Variants in WARS1 observed in about 807,000 individuals in gnomAD.
WARS1 encodes the protein tryptophan--tRNA ligase, cytoplasmic.
In WARS1, 17 loss-of-function variants were observed where a neutral mutation model predicts 47.8. The observed-to-expected ratio is 0.36, with a 90% confidence interval of 0.24 to 0.53. The LOEUF (loss-of-function observed/expected upper bound fraction) is 0.53, where lower values mean the gene tolerates loss of function less well. WARS1 is among the 20% of genes least tolerant of loss of function. The pLI is 0.91. For missense variants in WARS1, 434 were observed against 608.0 expected (o/e 0.71, Z 3.01); for synonymous variants, 208 against 228.1 (o/e 0.91, Z 0.79).
chr14:100,344,844 CG>C (rs1284902419), intron 7 of WARS1, among the ~76,000 whole-genome samples: 4 of 150,980 alleles, frequency 2.6e-5, no homozygotes, highest in Admixed American at 1.3e-4. Context: ...ACCCTCCGCC[CG>C]GCAACCGCCC....
chr14:100,348,300 C>T (rs1378026281), intron 6 of WARS1, among the ~76,000 whole-genome samples: 3 of 152,154 alleles, frequency 2.0e-5, no homozygotes, highest in Admixed American at 6.5e-5. Flanking sequence ...GAACACTGGC[C>T]GTTTGTGCTG....
intron 6 of WARS1, among the ~76,000 whole-genome samples, chr14:100,347,286 G>A (rs761604530): frequency 4.6e-5 from 7 of 152,176 alleles, no homozygotes; most frequent in African/African-American, 7.2e-5. Context: ...TCGGATGAGC[G>A]TATGGATAGA....
chr14:100,344,537 G>T (rs1266725299), intron 7 of WARS1, among the ~76,000 whole-genome samples: 1 of 152,124 alleles, frequency 6.6e-6, no homozygotes, highest in African/African-American at 2.4e-5. Context: ...TCTCTGCCTG[G>T]CCGCCCATCG....
At chr14:100,341,966 A>G in intron 9 of WARS1, 1 of 274,548 alleles carries the variant, frequency 3.6e-6, no homozygotes, top group South Asian at 3.5e-5. Context: ...ACCACCTCCC[A>G]GTGAGAATGA....
intron 2 of WARS1, chr14:100,366,718 T>C: frequency 1.2e-6 from 1 of 810,614 alleles, no homozygotes; most frequent in Admixed American, 1.7e-5. Context: ...CATTAGAAAC[T>C]ATCCAGAAGA....
chr14:100,348,445 G>A (rs187980149), intron 6 of WARS1, among the ~76,000 whole-genome samples: 1 of 152,192 alleles, frequency 6.6e-6, no homozygotes, highest in Non-Finnish European at 1.5e-5. Flanking sequence ...GCCCTGGGGG[G>A]CACTGGAGAG....
chr14:100,344,203 C>T (rs1053732133), intron 7 of WARS1, among the ~76,000 whole-genome samples: 2 of 152,166 alleles, frequency 1.3e-5, no homozygotes, highest in African/African-American at 4.8e-5. Flanking sequence ...CTGCCTCAGC[C>T]TGCCGAGTGC....
intron 2 of WARS1, 79 bp from the exon 3 acceptor site, chr14:100,362,000 A>C: frequency 6.9e-7 from 1 of 1,459,674 alleles, no homozygotes; most frequent in Non-Finnish European, 9.5e-7. Flanking sequence ...TGTGGCAGGC[A>C]CTGTGTTAAA....
At chr14:100,361,524 A>G (rs1354443807) in intron 3 of WARS1, among the ~76,000 whole-genome samples, 184 bp downstream of exon 3, 3 of 152,208 alleles carry the variant, frequency 2.0e-5, no homozygotes, top group Non-Finnish European at 4.4e-5. Context: ...TTGTTATTTT[A>G]TTTTAAAATA....
At chr14:100,370,875 C>A (rs571700194) in intron 1 of WARS1, among the ~76,000 whole-genome samples, 1 of 151,916 alleles carries the variant, frequency 6.6e-6, no homozygotes, top group East Asian at 1.9e-4. Flanking sequence ...CCCAGGAGTT[C>A]GAGGCTTCAG....
At chr14:100,348,028 G>GT (rs1894739824) in intron 6 of WARS1, among the ~76,000 whole-genome samples, 1 of 152,158 alleles carries the variant, frequency 6.6e-6, no homozygotes, top group African/African-American at 2.4e-5. Flanking sequence ...TAGATGCTGC[G>GT]TATGTGTCAA....
intron 4 of WARS1, among the ~76,000 whole-genome samples, chr14:100,357,839 G>C (rs1895425290): frequency 6.6e-6 from 1 of 152,082 alleles, no homozygotes; most frequent in Non-Finnish European, 1.5e-5. Context: ...GCATTAAAAA[G>C]ATAAAATTCT....
chr14:100,371,853 C>A (rs925816371), intron 1 of WARS1, among the ~76,000 whole-genome samples: 2 of 152,168 alleles, frequency 1.3e-5, no homozygotes, highest in African/African-American at 4.8e-5. Context: ...AGTTCAAGAG[C>A]AGCTTGGGTA....
intron 1 of WARS1, chr14:100,374,726 G>A (rs893730200): frequency 1.3e-5 from 2 of 152,200 alleles, no homozygotes; most frequent in Non-Finnish European, 2.9e-5. Flanking sequence ...ACCACCAGGA[G>A]GTAGAATACC....
rs759554285 is a variant in WARS1 at position 100,361,756 on chromosome 14, T to C, written c.265A>G (p.Thr89Ala). Residue 89 changes from threonine (T) to alanine (A), a missense_variant, in exon 3 of 11, where the codon ACA becomes GCA. Around this residue, in one of 2 missense-constraint regions of WARS1, gnomAD observed 347 missense variants for 523.8 expected, o/e 0.66. Transcript: ENST00000392882. ...CCTTTTGCACTGCTTGTCTGTACTG[T>C]CCATGGGTCCACAAAATCCTCTTCA... ...EAEEDFVDPW[T>A]VQTSSAKGID... is the part of the protein sequence containing the mutation. 3.7e-6 allele frequency: 6 copies of C among 1,614,140 alleles called. No individual in the cohort carries two copies. In the Admixed American group the frequency reaches 8.3e-5, roughly 22 times the overall value.
Position 100,334,959 on chromosome 14 carries a change from C to T in WARS1, c.1332G>A (p.Glu444=), listed in dbSNP as rs1192882835. 6.2e-7 allele frequency: 1 copy of T among 1,614,134 alleles called. No individual in the cohort carries two copies. Among genetic ancestry groups the T allele is most frequent in the East Asian group, 2.2e-5 (1 of 44,886 alleles). The change falls in exon 11 of 11, where the codon GAG becomes GAA. Residue 444 remains glutamate (E), a synonymous_variant. Coordinates refer to ENST00000392882, the MANE Select transcript of WARS1 (RefSeq NM_004184.4). ...TGACCTCCTTGCGCCGGGCCTGGTG[C>T]TCTGCGATCAAGGGCTGCAGAACCT... ...LIEVLQPLIA[E]HQARRKEVTD...
intron 4 of WARS1, among the ~76,000 whole-genome samples, chr14:100,354,990 G>A (rs541863198): frequency 1.3e-5 from 2 of 152,278 alleles, no homozygotes; most frequent in South Asian, 4.1e-4. Context: ...GACAGTCCTG[G>A]CTTAGCAGGG....
intron 4 of WARS1, 50 bp from the exon 5 acceptor site, chr14:100,354,616 C>G (rs1325516772): frequency 6.4e-7 from 1 of 1,567,004 alleles, no homozygotes; most frequent in African/African-American, 1.4e-5. Context: ...AGAAAAATAT[C>G]AAGGCACTAA....
chr14:100,365,448 C>G, intron 2 of WARS1: 1 of 245,490 alleles, frequency 4.1e-6, no homozygotes. Flanking sequence ...GGTGTGGTGG[C>G]GGGCGCCTGC....
Sources: allele counts gnomAD v4.1 joint callset (sites outside exome capture counted in the v4.1 genomes callset), GRCh38; gene constraint gnomAD v4.1.1; regional missense constraint gnomAD v4.1.1; transcripts MANE v1.5; gene names NCBI Gene and HGNC (gene_info 2026-07-23, HGNC 2026-07-21).